The following RSL1D1 variants were observed in gnomAD, a reference collection of about 807,000 sequenced individuals.
RSL1D1 encodes ribosomal L1 domain-containing protein 1.
RSL1D1 carries 34 observed loss-of-function variants against 44.6 expected under a neutral mutation model. The observed-to-expected ratio is 0.76, with a 90% CI of 0.58 to 1.02. The LOEUF (loss-of-function observed/expected upper bound fraction) is 1.02, where lower values mean the gene tolerates loss of function less well. Among genes scored for constraint, RSL1D1 ranks in the 50% least tolerant of loss-of-function variants. The pLI is 0.00. For synonymous variants in RSL1D1, 271 were observed against 207.4 expected, an observed-to-expected ratio of 1.31 and a Z score of -2.63; for missense variants, 767 against 568.1, an observed-to-expected ratio of 1.35 and a Z score of -3.56.
At chr16:11,841,647 T>TGG in intron 7 of RSL1D1, 48 bp downstream of exon 7, 2 of 1,554,850 alleles carry the variant, frequency 1.3e-6, no homozygotes, top group Non-Finnish European at 1.8e-6. Context: ...AGTGACTGAA[T>TGG]TTACACCCTT....
At chr16:11,846,923 T>C in intron 3 of RSL1D1, 80 bp from the exon 4 acceptor site, 2 of 1,295,838 alleles carry the variant, frequency 1.5e-6, no homozygotes, top group Non-Finnish European at 2.2e-6. Flanking sequence ...ACAATTTGGA[T>C]TTGGATTTAA....
Position 11,841,980 on chromosome 16 carries a change from A to ACGT in RSL1D1, c.653_655dup (p.His218_Val219insAsp). 6.2e-7 allele frequency: 1 copy of ACGT among 1,613,624 alleles called. No individual in the cohort carries two copies. The highest frequency in any genetic ancestry group is 8.5e-7 in the Non-Finnish European group (1 of 1,179,742). On this transcript the variant is annotated inframe_insertion, in exon 6 of 9. Transcript: ENST00000571133. ...AATGATGTGCTCAATTTGCATTCCA[A>ACGT]CGTGACCAATACGTATAGCACTGAA...
At chr16:11,845,067 G>C (rs2053788067) in intron 5 of RSL1D1, among the ~76,000 whole-genome samples, 1 of 152,208 alleles carries the variant, frequency 6.6e-6, no homozygotes, top group Admixed American at 6.5e-5. Flanking sequence ...CAAATAGGCA[G>C]ATGAACAGGA....
At chr16:11,838,242 A>G in intron 8 of RSL1D1, 129 bp from the exon 9 acceptor site, 3 of 769,370 alleles carry the variant, frequency 3.9e-6, no homozygotes, top group African/African-American at 1.8e-5. Context: ...TGCCCATGCT[A>G]GAGTGCAATG....
rs189165178 is a variant in RSL1D1 at position 11,844,240 on chromosome 16, T to A, written c.636-2240A>T. On this transcript the variant is annotated intron_variant, in intron 5 of 8. Transcript: ENST00000571133. ...ACAGAAGTGGAAGAGGAAAATAAAT[T>A]CTTTTGCTGGGGAAAGGTAAGAGAG... Among the ~76,000 whole-genome samples the A allele has an allele frequency of 5.6e-4, 86 of 152,284 alleles. No homozygotes were observed. The East Asian group carries it at 0.015, about 27-fold the overall frequency.
At position 11,847,904 on chromosome 16, in the gene RSL1D1, A is replaced by G. The variant is rs1596442744; in HGVS notation, c.246-98T>C. On this transcript the variant is annotated intron_variant, in intron 2 of 8. Coordinates refer to ENST00000571133, the MANE Select transcript of RSL1D1 (RefSeq NM_015659.3). ...ACGCGATAAACTTAGTGTTATTTAA[A>G]TAACTTTTAGTCATGCTAGTTAAGC... The G allele has an allele frequency of 5.4e-6, 7 of 1,291,570 alleles. No individual in the cohort carries two copies. The South Asian group carries it at 6.5e-5, about 12-fold the overall frequency. 80.0% of individuals were successfully genotyped at this position (1,291,570 alleles called of 1,614,324 possible).
chr16:11,846,696 T>G lies in RSL1D1; in HGVS notation c.532A>C (p.Lys178Gln). The change falls in exon 4 of 9, where the codon AAA becomes CAA. Residue 178 changes from lysine (K) to glutamine (Q), a missense_variant and splice_region_variant. Coordinates refer to ENST00000571133, the MANE Select transcript of RSL1D1 (RefSeq NM_015659.3). ...LIGRHFYQRK[K>Q]VPVSVNLLSK... ...TCCAGTCATTACTAAGAAACTTACTTCTTTCTTTGATAGAAATGTCTCCCA... is the reference window on the plus strand; with the variant it reads ...TCCAGTCATTACTAAGAAACTTACTGCTTTCTTTGATAGAAATGTCTCCCA... 7 of 1,613,842 alleles carry G rather than the reference T, an allele frequency of 4.3e-6. No homozygotes were observed. Among genetic ancestry groups the G allele is most frequent in the Non-Finnish European group, 2.5e-6 (3 of 1,179,882 alleles).
At position 11,846,676 on chromosome 16, in the gene RSL1D1, T is replaced by C. The variant is rs1465635955; in HGVS notation, c.533+19A>G. ...GAAGCTTCATGCTGCTAAAGTCCAG[T>C]CATTACTAAGAAACTTACTTCTTTC... On this transcript the variant is annotated intron_variant, in intron 4 of 8. Transcript: ENST00000571133. The C allele has an allele frequency of 5.0e-6, 8 of 1,613,576 alleles. No homozygotes were observed. The highest frequency in any genetic ancestry group is 6.8e-6 in the Non-Finnish European group (8 of 1,179,726).
intron 3 of RSL1D1, chr16:11,847,424 C>A: frequency 2.4e-6 from 1 of 408,584 alleles, no homozygotes; most frequent in South Asian, 3.1e-5. Context: ...AAGACAAGTA[C>A]ACCAACTACA....
intron 5 of RSL1D1, among the ~76,000 whole-genome samples, chr16:11,844,615 G>A (rs968565359): frequency 6.6e-6 from 1 of 152,172 alleles, no homozygotes; most frequent in Admixed American, 6.6e-5. Flanking sequence ...ACCCTGCTCT[G>A]CTCTACCTGG....
intron 7 of RSL1D1, 140 bp downstream of exon 7, chr16:11,841,555 T>A: frequency 1.4e-6 from 1 of 730,558 alleles, no homozygotes; most frequent in Non-Finnish European, 2.2e-6. Flanking sequence ...TTTTACCTCA[T>A]GTAAAGTGAC....
chr16:11,843,650 C>T (rs1430320544), intron 5 of RSL1D1, among the ~76,000 whole-genome samples: 3 of 151,850 alleles, frequency 2.0e-5, no homozygotes, highest in African/African-American at 7.2e-5. Context: ...GGGCAGATCA[C>T]GAGGTCAGGA....
chr16:11,847,471 G>C (rs2053806950), intron 3 of RSL1D1, 197 bp downstream of exon 3: 4 of 523,450 alleles, frequency 7.6e-6, no homozygotes, highest in Non-Finnish European at 1.3e-5. Flanking sequence ...TGCTGTGGAA[G>C]TACAGAGGAA....
At chr16:11,845,533 G>C (rs1400396050) in intron 5 of RSL1D1, among the ~76,000 whole-genome samples, 1 of 152,022 alleles carries the variant, frequency 6.6e-6, no homozygotes, top group Non-Finnish European at 1.5e-5. Flanking sequence ...CCAATGCAGT[G>C]ACCATCAGCC....
intron 7 of RSL1D1, among the ~76,000 whole-genome samples, chr16:11,841,166 T>C (rs2053761543): frequency 6.6e-6 from 1 of 152,156 alleles, no homozygotes; most frequent in African/African-American, 2.4e-5. Flanking sequence ...TCCCAGCACT[T>C]TGGGAGCCCA....
chr16:11,839,806 C>T lies in RSL1D1; in HGVS notation c.1035G>A (p.Lys345=). 6.2e-7 allele frequency: 1 copy of T among 1,614,166 alleles called. No homozygotes were observed. ...GGGCTTTTCCTCTGCCACGTTTTTT[C>T]TTCCCATGCTCTGGGGTCTGTTCCT... ...SKKEQTPEHG[K]KKRGRGKAQV... The change falls in exon 8 of 9, where the codon AAG becomes AAA. Residue 345 remains lysine (K), a synonymous_variant. Coordinates refer to ENST00000571133, the MANE Select transcript of RSL1D1 (RefSeq NM_015659.3).
rs771145823 is a variant in RSL1D1 at position 11,837,894 on chromosome 16, T to C, written c.1366A>G (p.Lys456Glu). Reference protein sequence around the residue: ...LGKKDARQTPKKPEAKFFTTP... With the variant: ...LGKKDARQTPEKPEAKFFTTP... ...GTGAAAAACTTGGCCTCTGGCTTTT[T>C]TGGAGTCTGTCTCGCATCTTTTTTC... Residue 456 changes from lysine to glutamate, a missense_variant, in exon 9 of 9, where the codon AAA (lysine) becomes GAA (glutamate). Transcript: ENST00000571133. 2.5e-6 allele frequency: 4 copies of C among 1,614,134 alleles called. No individual in the cohort carries two copies. Among genetic ancestry groups the C allele is most frequent in the Admixed American group, 1.7e-5 (1 of 59,992 alleles).
chr16:11,845,959 C>A (rs1319052394), intron 5 of RSL1D1, among the ~76,000 whole-genome samples: 1 of 151,916 alleles, frequency 6.6e-6, no homozygotes, highest in Non-Finnish European at 1.5e-5. Flanking sequence ...TCTTGCACTC[C>A]TGGGCTCAAG....
In RSL1D1 at chr16:11,838,060, G is replaced by C; in HGVS notation, c.1200C>G (p.Ser400Arg). Reference sequence around the variant, plus strand: ...CCTTTCTTTTCTTCCCACGAGGTGTGCTGGGATTAGGACTCTTTGCTGGAG... The same window carrying C: ...CCTTTCTTTTCTTCCCACGAGGTGTCCTGGGATTAGGACTCTTTGCTGGAG... ...KKSPAKSPNP[S>R]TPRGKKRKAL... is the part of the protein sequence containing the mutation. Residue 400 changes from serine (S) to arginine (R), a missense_variant, in exon 9 of 9, where the codon AGC (serine) becomes AGG (arginine). Ser to Arg is a moderately radical substitution (Grantham distance 110). Transcript: ENST00000571133. 1 of 1,610,838 alleles carries C rather than the reference G, an allele frequency of 6.2e-7. No individual in the cohort carries two copies. The highest frequency in any genetic ancestry group is 8.5e-7 in the Non-Finnish European group (1 of 1,179,296).
Sources: gnomAD v4.1 joint callset for allele counts (sites outside exome capture counted in the v4.1 genomes callset) on GRCh38, gnomAD v4.1.1 for gene constraint, MANE v1.5 for transcripts, NCBI Gene and HGNC (gene_info 2026-07-23, HGNC 2026-07-21) for gene names.